PRKD1: variants seen among roughly 807,000 people sequenced by gnomAD.
PRKD1 encodes the protein serine/threonine-protein kinase D1.
A neutral mutation model predicts 95.9 loss-of-function variants in PRKD1; 63 were observed. The ratio of observed to expected loss-of-function variants is 0.66; its 90% CI spans 0.54 to 0.81. The LOEUF is 0.81. Among genes scored for constraint, PRKD1 ranks in the 30% least tolerant of loss-of-function variants. PRKD1 has a pLI of 0.00. For missense variants in PRKD1, 1,048 were observed against 1,165.3 expected (o/e 0.90, Z 1.47); for synonymous variants, 425 against 423.1 (o/e 1.00, Z -0.05).
At chr14:29,657,447 A>G (rs960213531) in intron 4 of PRKD1, 2 of 152,214 alleles carry the variant, frequency 1.3e-5, no homozygotes, top group Non-Finnish European at 2.9e-5. Flanking sequence ...GAAAAATCCT[A>G]CTATCTGTTT....
chr14:29,624,107 G>T, intron 13 of PRKD1, 45 bp downstream of exon 13: 1 of 1,368,690 alleles, frequency 7.3e-7, no homozygotes, highest in South Asian at 1.3e-5. Flanking sequence ...AGTAAAGGAT[G>T]AGGGATTTTT....
chr14:29,801,877 G>A (rs1043259343), intron 1 of PRKD1, among the ~76,000 whole-genome samples: 2 of 152,204 alleles, frequency 1.3e-5, no homozygotes, highest in Non-Finnish European at 2.9e-5. Context: ...TAGTAGAGAC[G>A]GGGTTTCTCC....
chr14:29,583,810 T>A (rs952881936), intron 16 of PRKD1, among the ~76,000 whole-genome samples: 1 of 152,178 alleles, frequency 6.6e-6, no homozygotes, highest in African/African-American at 2.4e-5. Flanking sequence ...TTCACAATAA[T>A]GTTCCCTACA....
chr14:29,710,336 G>T (rs1885279888), intron 2 of PRKD1, among the ~76,000 whole-genome samples: 1 of 152,194 alleles, frequency 6.6e-6, no homozygotes, highest in East Asian at 1.9e-4. Context: ...AGTGATAAAG[G>T]TTAACATTAT....
chr14:29,918,359 T>C (rs1894965190), intron 1 of PRKD1, among the ~76,000 whole-genome samples: 2 of 152,078 alleles, frequency 1.3e-5, no homozygotes, highest in Non-Finnish European at 2.9e-5. Flanking sequence ...AAATATCAAA[T>C]AGTAATTTAC....
intron 10 of PRKD1, 97 bp downstream of exon 10, chr14:29,630,645 C>A (rs1879936656): frequency 1.3e-6 from 2 of 1,489,802 alleles, no homozygotes; most frequent in Non-Finnish European, 1.8e-6. Flanking sequence ...AGAAGTCTTT[C>A]TTCATTCTGT....
At chr14:29,729,981 AT>A (rs533564158) in intron 1 of PRKD1, among the ~76,000 whole-genome samples, 5 of 152,050 alleles carry the variant, frequency 3.3e-5, no homozygotes. Context: ...ATGGGCAACG[AT>A]TTTTTTATAT....
chr14:29,915,932 T>C (rs1894873786), intron 1 of PRKD1, among the ~76,000 whole-genome samples: 1 of 152,172 alleles, frequency 6.6e-6, no homozygotes, highest in Admixed American at 6.5e-5. Context: ...AGTTTCTTCA[T>C]CCTTAAAATA....
chr14:29,735,816 A>G (rs1235863454), intron 1 of PRKD1, among the ~76,000 whole-genome samples: 1 of 152,212 alleles, frequency 6.6e-6, no homozygotes, highest in African/African-American at 2.4e-5. Flanking sequence ...GATGGTTAAA[A>G]TGTAATAAAT....
intron 13 of PRKD1, among the ~76,000 whole-genome samples, chr14:29,611,506 G>A (rs1296908367): frequency 1.3e-5 from 2 of 151,940 alleles, no homozygotes; most frequent in Admixed American, 6.6e-5. Flanking sequence ...TCACATAGCA[G>A]GGATCCTGAA....
intron 2 of PRKD1, among the ~76,000 whole-genome samples, chr14:29,720,676 A>C (rs1311627899): frequency 2.0e-5 from 3 of 151,938 alleles, no homozygotes; most frequent in Non-Finnish European, 2.9e-5. Flanking sequence ...GCTACTCCAG[A>C]GGCTGAGGCA....
At chr14:29,787,448 T>C (rs1350783283) in intron 1 of PRKD1, among the ~76,000 whole-genome samples, 2 of 152,058 alleles carry the variant, frequency 1.3e-5, no homozygotes, top group African/African-American at 2.4e-5. Context: ...CCCTAGCTAG[T>C]ACTGTATTGG....
At chr14:29,872,045 A>C (rs973613834) in intron 1 of PRKD1, among the ~76,000 whole-genome samples, 1 of 152,202 alleles carries the variant, frequency 6.6e-6, no homozygotes, top group Non-Finnish European at 1.5e-5. Context: ...AGCTGGGTTC[A>C]GTGAAAAACA....
intron 1 of PRKD1, among the ~76,000 whole-genome samples, chr14:29,851,199 T>C (rs905342976): frequency 2.0e-5 from 3 of 152,094 alleles, no homozygotes; most frequent in African/African-American, 7.2e-5. Flanking sequence ...TCAAAAGCAA[T>C]TGCAATGAAA....
chr14:29,877,574 C>T (rs537342312), intron 1 of PRKD1, among the ~76,000 whole-genome samples: 32 of 152,278 alleles, frequency 2.1e-4, no homozygotes, highest in Admixed American at 1.6e-3. Flanking sequence ...GTTTCTATGT[C>T]CAGAATGGCA....
intron 1 of PRKD1, among the ~76,000 whole-genome samples, chr14:29,926,608 G>T (rs544030164): frequency 1.3e-5 from 2 of 152,192 alleles, no homozygotes; most frequent in East Asian, 3.9e-4. Context: ...CCACTTCAAC[G>T]TCCTACTATC....
intron 13 of PRKD1, among the ~76,000 whole-genome samples, chr14:29,602,249 C>T (rs774663012): frequency 4.6e-5 from 7 of 151,906 alleles, no homozygotes; most frequent in African/African-American, 1.5e-4. Flanking sequence ...AGAGTGACCT[C>T]GGGGGCCCAG....
At chr14:29,748,363 T>C (rs1887326492) in intron 1 of PRKD1, among the ~76,000 whole-genome samples, 1 of 152,196 alleles carries the variant, frequency 6.6e-6, no homozygotes, top group South Asian at 2.1e-4. Flanking sequence ...TCTTTTCAAA[T>C]CACATAAGCC....
At chr14:29,581,067 A>G (rs1264901888) in intron 16 of PRKD1, among the ~76,000 whole-genome samples, 1 of 151,630 alleles carries the variant, frequency 6.6e-6, no homozygotes, top group Non-Finnish European at 1.5e-5. Flanking sequence ...TTTTCTTTTT[A>G]TAACTTACTG....
Sources: gnomAD v4.1 joint callset for allele counts (sites outside exome capture counted in the v4.1 genomes callset) on GRCh38, gnomAD v4.1.1 for gene constraint, MANE v1.5 for transcripts, NCBI Gene and HGNC (gene_info 2026-07-23, HGNC 2026-07-21) for gene names.